The following RANBP2 variants were observed in gnomAD, a reference collection of about 807,000 sequenced individuals.
RANBP2 encodes E3 SUMO-protein ligase RanBP2.
In RANBP2, 57 loss-of-function variants were observed where a neutral mutation model predicts 303.6. That is an observed-to-expected ratio of 0.19 (90% confidence interval 0.15 to 0.23). The LOEUF (loss-of-function observed/expected upper bound fraction) is 0.23, where lower values mean the gene tolerates loss of function less well. Among genes scored for constraint, RANBP2 ranks in the 10% least tolerant of loss-of-function variants. The probability of loss-of-function intolerance (pLI) is 1.00; values close to 1 mark genes in which losing one functional copy is unlikely to be tolerated. For synonymous variants in RANBP2, 1,167 were observed against 1,301.5 expected (o/e 0.90, Z 2.23); for missense variants, 3,138 against 3,780.8 (o/e 0.83, Z 4.46).
chr2:109,720,760 C>T, the RANBP2 span, among the ~76,000 whole-genome samples: 1 of 152,146 alleles, frequency 6.6e-6, no homozygotes, highest in South Asian at 2.1e-4. Context: ...TGTGAGTTGC[C>T]AAGGTTACCT....
the RANBP2 span, among the ~76,000 whole-genome samples, chr2:109,231,419 G>T: frequency 6.6e-6 from 1 of 152,178 alleles, no homozygotes; most frequent in Non-Finnish European, 1.5e-5. Context: ...GCCTGGTTGG[G>T]GCAGGATGCT....
chr2:109,389,327 C>G, the RANBP2 span, among the ~76,000 whole-genome samples: 1 of 152,216 alleles, frequency 6.6e-6, no homozygotes, highest in Non-Finnish European at 1.5e-5. Context: ...TTTATTTCTA[C>G]TGGAGGCAAT....
chr2:108,893,669 A>T, the RANBP2 span, among the ~76,000 whole-genome samples: 1 of 152,204 alleles, frequency 6.6e-6, no homozygotes, highest in Non-Finnish European at 1.5e-5. Flanking sequence ...ATCACTGATA[A>T]CAAGAGCCAT....
chr2:109,058,966 G>T, the RANBP2 span, among the ~76,000 whole-genome samples: 1 of 152,182 alleles, frequency 6.6e-6, no homozygotes, highest in Non-Finnish European at 1.5e-5. Flanking sequence ...GTGAAGTGGC[G>T]GGGAGACAGG....
the RANBP2 span, among the ~76,000 whole-genome samples, chr2:109,261,834 G>A: frequency 6.6e-6 from 1 of 152,188 alleles, no homozygotes; most frequent in Non-Finnish European, 1.5e-5. Context: ...TTCACTTATA[G>A]TAGGGAAACT....
At chr2:109,649,872 A>G in the RANBP2 span, among the ~76,000 whole-genome samples, 1 of 152,216 alleles carries the variant, frequency 6.6e-6, no homozygotes, top group Non-Finnish European at 1.5e-5. Flanking sequence ...TTTAAAGAAA[A>G]ACATTGGCTA....
chr2:108,833,099 C>A, the RANBP2 span, among the ~76,000 whole-genome samples: 5 of 152,196 alleles, frequency 3.3e-5, no homozygotes, highest in South Asian at 1.0e-3. Context: ...CAGTAGCTGC[C>A]AGGGGTTCTG....
At chr2:109,139,163 TAAA>T in the RANBP2 span, among the ~76,000 whole-genome samples, 1 of 152,222 alleles carries the variant, frequency 6.6e-6, no homozygotes, top group Non-Finnish European at 1.5e-5. Context: ...CTGCGTAACT[TAAA>T]AATTGCATCC....
the RANBP2 span, among the ~76,000 whole-genome samples, chr2:108,995,869 C>T: frequency 6.6e-6 from 1 of 152,132 alleles, no homozygotes; most frequent in Non-Finnish European, 1.5e-5. Context: ...GTGCAGCTGC[C>T]CCACCAGGCC....
At chr2:109,533,747 A>C in the RANBP2 span, among the ~76,000 whole-genome samples, 218 of 152,358 alleles carry the variant, frequency 1.4e-3, no homozygotes, top group African/African-American at 5.0e-3. Context: ...AGCAGCCTTT[A>C]CTATGATTGA....
downstream of RANBP2, among the ~76,000 whole-genome samples, chr2:108,787,598 A>G (rs1230252006): frequency 1.3e-5 from 2 of 152,220 alleles, no homozygotes; most frequent in Non-Finnish European, 1.5e-5. Context: ...TTTTATAGGA[A>G]AATTTTTTCC....
the RANBP2 span, among the ~76,000 whole-genome samples, chr2:108,951,950 T>G: frequency 6.6e-6 from 1 of 152,254 alleles, no homozygotes; most frequent in Non-Finnish European, 1.5e-5. Flanking sequence ...TCTTACAGTC[T>G]AATAAGAGGG....
chr2:109,618,581 G>A, the RANBP2 span: 9 of 166,724 alleles, frequency 5.4e-5, no homozygotes, highest in Non-Finnish European at 1.0e-4. Flanking sequence ...TAGCATTTTC[G>A]GCTACTTAAC....
the RANBP2 span, among the ~76,000 whole-genome samples, chr2:109,356,188 C>G: frequency 1.3e-5 from 2 of 152,246 alleles, no homozygotes; most frequent in African/African-American, 2.4e-5. Context: ...GAGTGGCTGA[C>G]TTCCTGCACC....
At chr2:108,968,661 C>G in the RANBP2 span, among the ~76,000 whole-genome samples, 2 of 152,234 alleles carry the variant, frequency 1.3e-5, no homozygotes, top group Non-Finnish European at 2.9e-5. Context: ...CTGGCACCTT[C>G]TTCTGCACTG....
At chr2:109,368,708 T>TAAA in the RANBP2 span, among the ~76,000 whole-genome samples, 16,630 of 136,456 alleles carry the variant, frequency 0.12, 1,035 homozygotes, top group Middle Eastern at 0.24. Context: ...GTATTTTCTT[T>TAAA]AAAAAAAAAA....
At chr2:109,306,225 T>G in the RANBP2 span, among the ~76,000 whole-genome samples, 1 of 152,200 alleles carries the variant, frequency 6.6e-6, no homozygotes, top group South Asian at 2.1e-4. Flanking sequence ...GTCTGCCAGA[T>G]GCAGACCCCA....
the RANBP2 span, chr2:108,882,280 A>G: frequency 6.6e-6 from 1 of 152,214 alleles, no homozygotes; most frequent in African/African-American, 2.4e-5. Context: ...TTTTGGAGAA[A>G]ATGGTTCCAA....
chr2:109,381,702 C>A, the RANBP2 span, among the ~76,000 whole-genome samples: 1 of 152,028 alleles, frequency 6.6e-6, no homozygotes, highest in Admixed American at 6.6e-5. Context: ...GACAGCTTTA[C>A]TGGTGACATC....
Sources: gnomAD v4.1 joint callset for allele counts (sites outside exome capture counted in the v4.1 genomes callset) on GRCh38, gnomAD v4.1.1 for gene constraint, MANE v1.5 for transcripts, NCBI Gene and HGNC (gene_info 2026-07-23, HGNC 2026-07-21) for gene names.